PRR5L: variants seen among roughly 807,000 people sequenced by gnomAD.
The protein encoded by PRR5L is proline rich 5 like, also known as proline-rich protein 5-like.
PRR5L carries 21 observed loss-of-function variants against 36.4 expected under a neutral mutation model. That is an observed-to-expected ratio of 0.58 (90% CI 0.41 to 0.83). The LOEUF is 0.83. Ranked by LOEUF, PRR5L falls within the 40% of genes least tolerant of loss-of-function variation. The pLI is 0.00. For missense variants in PRR5L, 381 were observed against 473.3 expected (o/e 0.80, Z 1.81); for synonymous variants, 188 against 197.0 (o/e 0.95, Z 0.38).
intron 1 of PRR5L, among the ~76,000 whole-genome samples, chr11:36,386,873 T>G (rs1367574849): frequency 6.6e-6 from 1 of 152,208 alleles, no homozygotes; most frequent in Non-Finnish European, 1.5e-5. Context: ...CAGCCTCTGA[T>G]GATAGTTAAT....
intron 6 of PRR5L, among the ~76,000 whole-genome samples, chr11:36,444,431 A>C (rs1338301377): frequency 6.6e-6 from 1 of 152,246 alleles, no homozygotes; most frequent in Non-Finnish European, 1.5e-5. Flanking sequence ...AGGACTTGTA[A>C]CTTTACCTTA....
chr11:36,302,573 C>T (rs1367935212), intron 1 of PRR5L, among the ~76,000 whole-genome samples: 1 of 152,036 alleles, frequency 6.6e-6, no homozygotes, highest in Admixed American at 6.5e-5. Flanking sequence ...ATCACCTGAG[C>T]TCAGGAGTTC....
intron 5 of PRR5L, among the ~76,000 whole-genome samples, chr11:36,434,579 C>A (rs1332271681): frequency 6.6e-6 from 1 of 152,136 alleles, no homozygotes; most frequent in Non-Finnish European, 1.5e-5. Context: ...GCCTTAGTGA[C>A]CTTGAGTCTT....
At chr11:36,379,660 AC>A (rs1194931792) in intron 1 of PRR5L, among the ~76,000 whole-genome samples, 2 of 152,214 alleles carry the variant, frequency 1.3e-5, no homozygotes, top group African/African-American at 2.4e-5. Context: ...AGAGAGCGGT[AC>A]CCTGATAAGC....
At chr11:36,400,802 T>C (rs1857775206) in intron 1 of PRR5L, among the ~76,000 whole-genome samples, 195 bp from the exon 2 acceptor site, 1 of 152,172 alleles carries the variant, frequency 6.6e-6, no homozygotes, top group South Asian at 2.1e-4. Flanking sequence ...GTCTTCCCAC[T>C]TGAGGGTGAC....
At chr11:36,338,411 C>G (rs1565397653) in intron 1 of PRR5L, among the ~76,000 whole-genome samples, 1 of 152,190 alleles carries the variant, frequency 6.6e-6, no homozygotes, top group Non-Finnish European at 1.5e-5. Context: ...CCCGTAATTG[C>G]TGGAATCTGA....
At chr11:36,341,823 G>A (rs1856819929) in intron 1 of PRR5L, among the ~76,000 whole-genome samples, 2 of 152,224 alleles carry the variant, frequency 1.3e-5, no homozygotes, top group African/African-American at 4.8e-5. Flanking sequence ...GAGATGTCAG[G>A]TGGGCTTTGC....
intron 4 of PRR5L, among the ~76,000 whole-genome samples, chr11:36,424,826 GTT>G (rs74457355): frequency 1.4e-5 from 2 of 143,208 alleles, no homozygotes; most frequent in Non-Finnish European, 1.5e-5. Flanking sequence ...CAAGTGATCT[GTT>G]TTTTTTTTTT....
intron 1 of PRR5L, chr11:36,393,984 T>C (rs1423371946): frequency 6.6e-6 from 1 of 152,226 alleles, no homozygotes; most frequent in African/African-American, 2.4e-5. Context: ...GCTGACACCT[T>C]GATCGTGGAC....
intron 1 of PRR5L, among the ~76,000 whole-genome samples, chr11:36,352,457 C>G (rs1026403284): frequency 1.3e-5 from 2 of 152,058 alleles, no homozygotes; most frequent in Non-Finnish European, 2.9e-5. Flanking sequence ...TGAGTCCCAT[C>G]TATTTATCTT....
intron 1 of PRR5L, among the ~76,000 whole-genome samples, chr11:36,384,155 A>G: frequency 6.6e-6 from 1 of 152,170 alleles, no homozygotes; most frequent in East Asian, 1.9e-4. Context: ...CTTCTTGCCT[A>G]TGAAAACTTG....
chr11:36,419,262 T>C lies in PRR5L; in HGVS notation c.253T>C (p.Leu85=), dbSNP rs1858213858. The C allele has an allele frequency of 6.2e-7, 1 of 1,613,878 alleles. No individual in the cohort carries two copies. Among genetic ancestry groups the C allele is most frequent in the African/African-American group, 1.3e-5 (1 of 74,902 alleles). ...YALNENIRRL[L]KSELGSFITD... ...CTTCTCCCTTCTCCCCAGGCGGCTG[T>C]TGAAGAGTGAACTTGGATCATTCAT... The change falls in exon 4 of 9, where the codon TTG becomes CTG. Residue 85 remains leucine (L), a synonymous_variant. Coordinates refer to ENST00000530639, the MANE Select transcript of PRR5L (RefSeq NM_001160167.2).
In PRR5L at chr11:36,376,572, C is replaced by T. The variant is rs694109; in HGVS notation, c.-125-24425C>T. On this transcript the variant is annotated intron_variant, in intron 1 of 8. Transcript: ENST00000530639. Reference sequence around the variant, plus strand: ...GCGCGACGGGGAGAACCATCCAGGTCGCTCATTTCTCTCCGGTGAGAAAAC... The same window carrying T: ...GCGCGACGGGGAGAACCATCCAGGTTGCTCATTTCTCTCCGGTGAGAAAAC... 4.8e-3 allele frequency: 4,739 copies of T among 992,818 alleles called. 182 individuals carry two copies. The African/African-American group carries it at 0.076, about 16-fold the overall frequency. 61.5% of individuals were successfully genotyped at this position (992,818 alleles called of 1,614,324 possible).
chr11:36,297,668 G>T (rs1044211929), intron 1 of PRR5L, among the ~76,000 whole-genome samples: 2 of 152,136 alleles, frequency 1.3e-5, no homozygotes, highest in African/African-American at 2.4e-5. Flanking sequence ...GGAATCAAAA[G>T]TTCTTAAGTC....
chr11:36,463,213 C>T lies in PRR5L; in HGVS notation c.*477C>T, dbSNP rs540171791. 6.5e-6 allele frequency: 1 copy of T among 153,416 alleles called. No homozygotes were observed. The highest frequency in any genetic ancestry group is 1.9e-4 in the East Asian group (1 of 5,206). The allele number at this position is 153,416 out of a possible 1,614,324, so 9.5% of individuals were successfully genotyped here. A position where few individuals can be genotyped will look rare whatever the true frequency, so the allele number is the denominator to read the frequency against. On this transcript the variant is annotated 3_prime_UTR_variant, in exon 9 of 9. Transcript: ENST00000530639. ...AAATTAGTGGAGAGGGAACTCCTCT[C>T]CCCCATTTTGTGTAGAGTGAAAATA...
At chr11:36,386,893 A>G (rs571862133) in intron 1 of PRR5L, among the ~76,000 whole-genome samples, 5 of 152,348 alleles carry the variant, frequency 3.3e-5, no homozygotes, top group African/African-American at 1.2e-4. Flanking sequence ...TATTATTCTA[A>G]TCAGCAGTCA....
intron 1 of PRR5L, among the ~76,000 whole-genome samples, chr11:36,366,254 T>C (rs1857142719): frequency 6.6e-6 from 1 of 152,220 alleles, no homozygotes; most frequent in Non-Finnish European, 1.5e-5. Flanking sequence ...AGCACCTCTT[T>C]CCTGGTGTTG....
At chr11:36,381,758 C>T (rs971268605) in intron 1 of PRR5L, 7 of 152,134 alleles carry the variant, frequency 4.6e-5, no homozygotes, top group African/African-American at 7.2e-5. Context: ...TAAAACATCT[C>T]GCAGGCTGAA....
intron 8 of PRR5L, among the ~76,000 whole-genome samples, chr11:36,456,258 G>C (rs1859055455): frequency 6.6e-6 from 1 of 152,186 alleles, no homozygotes; most frequent in Non-Finnish European, 1.5e-5. Context: ...TCACTCCCCG[G>C]GGAGGTTGTG....
Sources: allele counts gnomAD v4.1 joint callset (sites outside exome capture counted in the v4.1 genomes callset), GRCh38; gene constraint gnomAD v4.1.1; transcripts MANE v1.5; gene names NCBI Gene and HGNC (gene_info 2026-07-23, HGNC 2026-07-21).